RYK: variants seen among roughly 807,000 people sequenced by gnomAD.
RYK encodes the protein receptor like tyrosine kinase.
In RYK, 21 loss-of-function variants were observed where a neutral mutation model predicts 70.2. The observed-to-expected ratio is 0.30, with a 90% CI of 0.21 to 0.43. RYK has a LOEUF of 0.43. Among genes scored for constraint, RYK ranks in the 20% least tolerant of loss-of-function variants. The pLI is 1.00. For missense variants in RYK, 604 were observed against 753.3 expected (o/e 0.80, Z 2.32); for synonymous variants, 267 against 278.0 (o/e 0.96, Z 0.39).
At chr3:134,241,254 G>A (rs1051193464) in intron 1 of RYK, among the ~76,000 whole-genome samples, 8 of 151,564 alleles carry the variant, frequency 5.3e-5, no homozygotes, top group Non-Finnish European at 8.8e-5. Flanking sequence ...GGAGCCTTAG[G>A]CACGACAATC....
chr3:134,230,388 C>T (rs1475942437), intron 1 of RYK, among the ~76,000 whole-genome samples: 1 of 152,190 alleles, frequency 6.6e-6, no homozygotes, highest in African/African-American at 2.4e-5. Flanking sequence ...GCCATGTTCA[C>T]AGCCCTTTTA....
At chr3:134,242,959 A>G (rs1046416620) in intron 1 of RYK, among the ~76,000 whole-genome samples, 3 of 152,220 alleles carry the variant, frequency 2.0e-5, no homozygotes, top group African/African-American at 7.2e-5. Context: ...CAAAACGCCT[A>G]GGGTTAAGGA....
intron 6 of RYK, among the ~76,000 whole-genome samples, chr3:134,201,531 G>C (rs1283856294): frequency 2.6e-5 from 4 of 151,978 alleles, no homozygotes; most frequent in Non-Finnish European, 4.4e-5. Flanking sequence ...GAGAGAGAGA[G>C]AGACAGAGAC....
At chr3:134,204,771 GAACAAAACT>G (rs2014154210) in intron 5 of RYK, among the ~76,000 whole-genome samples, 1 of 152,140 alleles carries the variant, frequency 6.6e-6, no homozygotes. Flanking sequence ...TAACTCTACT[GAACAAAACT>G]TGAGGCATTT....
intron 1 of RYK, among the ~76,000 whole-genome samples, chr3:134,249,616 C>A (rs1018969469): frequency 6.6e-6 from 1 of 152,104 alleles, no homozygotes; most frequent in Admixed American, 6.5e-5. Flanking sequence ...CAAATTAATT[C>A]CCCAAACAAC....
intron 2 of RYK, among the ~76,000 whole-genome samples, chr3:134,212,397 T>C (rs2014429937): frequency 6.6e-6 from 1 of 152,196 alleles, no homozygotes; most frequent in Non-Finnish European, 1.5e-5. Flanking sequence ...ATCAAGACTT[T>C]CAATGAAGCC....
intron 8 of RYK, 98 bp from the exon 9 acceptor site, chr3:134,189,021 G>A: frequency 1.5e-6 from 1 of 666,110 alleles, no homozygotes; most frequent in Non-Finnish European, 2.5e-6. Context: ...AAAATAACAA[G>A]GTCATATGTG....
chr3:134,208,934 C>T (rs184196245), intron 4 of RYK, among the ~76,000 whole-genome samples: 1 of 151,878 alleles, frequency 6.6e-6, no homozygotes, highest in Non-Finnish European at 1.5e-5. Flanking sequence ...TTCCCCCCCC[C>T]ATCTTAGATA....
intron 1 of RYK, among the ~76,000 whole-genome samples, chr3:134,244,090 A>C (rs1388333939): frequency 2.6e-5 from 4 of 152,220 alleles, no homozygotes; most frequent in Non-Finnish European, 5.9e-5. Context: ...TAAGAGGAGA[A>C]GCAAGTTATC....
At chr3:134,217,172 T>C (rs901589189) in intron 2 of RYK, among the ~76,000 whole-genome samples, 1 of 152,222 alleles carries the variant, frequency 6.6e-6, no homozygotes, top group African/African-American at 2.4e-5. Flanking sequence ...ATCTACGATG[T>C]TGAACCGACA....
At chr3:134,202,701 T>A in intron 6 of RYK, 29 bp downstream of exon 6, 2 of 1,605,804 alleles carry the variant, frequency 1.2e-6, no homozygotes, top group South Asian at 2.2e-5. Flanking sequence ...TGCTTTCATT[T>A]TTTTTCTTTC....
chr3:134,197,134 G>A (rs752926761), intron 6 of RYK, among the ~76,000 whole-genome samples: 2 of 152,176 alleles, frequency 1.3e-5, no homozygotes, highest in African/African-American at 2.4e-5. Flanking sequence ...GCAACTCTGC[G>A]AAGATACTTT....
chr3:134,213,032 T>C (rs2014449504), intron 2 of RYK, among the ~76,000 whole-genome samples: 1 of 152,168 alleles, frequency 6.6e-6, no homozygotes, highest in African/African-American at 2.4e-5. Flanking sequence ...TCGAGGTACC[T>C]TGGCTAGGAA....
intron 13 of RYK, among the ~76,000 whole-genome samples, chr3:134,172,431 A>T (rs2012948691): frequency 6.6e-6 from 1 of 152,220 alleles, no homozygotes; most frequent in Admixed American, 6.5e-5. Context: ...GCTTTGCTTA[A>T]TGTAGAGCTG....
At chr3:134,159,443 A>G in intron 13 of RYK, 70 bp from the exon 14 acceptor site, 1 of 1,438,342 alleles carries the variant, frequency 7.0e-7, no homozygotes, top group Admixed American at 2.5e-5. Flanking sequence ...GCCCACAGCC[A>G]GCTACAGGAC....
At chr3:134,222,571 A>C in intron 1 of RYK, 32 bp from the exon 2 acceptor site, 2 of 1,475,070 alleles carry the variant, frequency 1.4e-6, no homozygotes, top group Non-Finnish European at 1.9e-6. Flanking sequence ...ATAATTAAAC[A>C]CTTAAAATAT....
Position 134,240,976 on chromosome 3 carries a change from C to T in RYK, c.232+9447G>A, listed in dbSNP as rs2015307245. ...GCTGTAAGCAAATAATAAATACCAC[C>T]AGTGAATTTTACAATTCTGAAAGTT... On this transcript the variant is annotated intron_variant, in intron 1 of 14. Coordinates refer to ENST00000623711, the MANE Select transcript of RYK (RefSeq NM_002958.4). 2.6e-5 allele frequency among the ~76,000 whole-genome samples: 4 copies of T among 152,250 alleles called. No homozygotes were observed. The South Asian group carries it at 8.3e-4, about 32-fold the overall frequency.
At chr3:134,200,592 T>A (rs1337683029) in intron 6 of RYK, among the ~76,000 whole-genome samples, 2 of 152,230 alleles carry the variant, frequency 1.3e-5, no homozygotes, top group South Asian at 4.1e-4. Flanking sequence ...AAAAACTTCA[T>A]AAAATGCCAT....
chr3:134,236,200 T>G (rs1576535958), intron 1 of RYK, among the ~76,000 whole-genome samples: 1 of 152,036 alleles, frequency 6.6e-6, no homozygotes, highest in East Asian at 1.9e-4. Flanking sequence ...AAAGGTTATG[T>G]AAGTAAAGAT....
Sources: gnomAD v4.1 joint callset for allele counts (sites outside exome capture counted in the v4.1 genomes callset) on GRCh38, gnomAD v4.1.1 for gene constraint, MANE v1.5 for transcripts, NCBI Gene and HGNC (gene_info 2026-07-23, HGNC 2026-07-21) for gene names.